CHRM3: variants seen among roughly 807,000 people sequenced by gnomAD.
CHRM3 encodes muscarinic acetylcholine receptor M3.
CHRM3 carries 11 observed loss-of-function variants against 41.8 expected under a neutral mutation model. That is an observed-to-expected ratio of 0.26 (90% CI 0.17 to 0.44). The LOEUF (loss-of-function observed/expected upper bound fraction) is 0.44. Ranked by LOEUF, CHRM3 falls within the 20% of genes least tolerant of loss-of-function variation. CHRM3 has a pLI of 1.00. For missense variants in CHRM3, 571 were observed against 745.4 expected (o/e 0.77, Z 2.72); for synonymous variants, 297 against 301.4 (o/e 0.99, Z 0.15).
intron 2 of CHRM3, among the ~76,000 whole-genome samples, chr1:239,514,174 T>C (rs1669106584): frequency 6.6e-6 from 1 of 152,124 alleles, no homozygotes; most frequent in Admixed American, 6.5e-5. Context: ...ATAAAATATC[T>C]TGCTGGGATT....
At chr1:239,842,778 A>T (rs1460650535) in intron 6 of CHRM3, among the ~76,000 whole-genome samples, 9 of 152,248 alleles carry the variant, frequency 5.9e-5, no homozygotes, top group Admixed American at 3.9e-4. Context: ...AACACAAAGG[A>T]TAAAAGCAGA....
At chr1:239,468,786 C>T (rs750046795) in intron 1 of CHRM3, among the ~76,000 whole-genome samples, 6 of 152,166 alleles carry the variant, frequency 3.9e-5, no homozygotes, top group Non-Finnish European at 4.4e-5. Context: ...AAGCATTCAG[C>T]GTGACCCTGA....
At chr1:239,684,731 G>GAGAGAAA (rs1417230306) in intron 5 of CHRM3, among the ~76,000 whole-genome samples, 1 of 55,208 alleles carries the variant, frequency 1.8e-5, no homozygotes, top group African/African-American at 6.6e-5. Flanking sequence ...GGAAAGGAAA[G>GAGAGAAA]GAAAGAGAGA....
intron 4 of CHRM3, among the ~76,000 whole-genome samples, chr1:239,636,645 T>C (rs1440428632): frequency 6.6e-6 from 1 of 152,204 alleles, no homozygotes; most frequent in Non-Finnish European, 1.5e-5. Context: ...CTTTGGAAGA[T>C]GATAATTATA....
intron 5 of CHRM3, among the ~76,000 whole-genome samples, chr1:239,787,584 G>A (rs955652933): frequency 8.5e-5 from 13 of 152,100 alleles, no homozygotes; most frequent in Non-Finnish European, 1.0e-4. Flanking sequence ...AGGTCCTTGC[G>A]ACATTAGGAT....
chr1:239,690,817 T>TGA (rs1325472577), intron 5 of CHRM3, among the ~76,000 whole-genome samples: 1 of 150,854 alleles, frequency 6.6e-6, no homozygotes, highest in Non-Finnish European at 1.5e-5. Flanking sequence ...CTGAAAAATT[T>TGA]TATATATATA....
chr1:239,423,563 C>T (rs777044433), intron 1 of CHRM3, among the ~76,000 whole-genome samples: 2 of 152,014 alleles, frequency 1.3e-5, no homozygotes, highest in Non-Finnish European at 2.9e-5. Context: ...AAATAACAAC[C>T]ATGCATTATA....
At chr1:239,436,488 C>T (rs951263641) in intron 1 of CHRM3, among the ~76,000 whole-genome samples, 2 of 151,918 alleles carry the variant, frequency 1.3e-5, no homozygotes, top group Non-Finnish European at 1.5e-5. Flanking sequence ...GTGGGCAGCA[C>T]GGTGCTGTGT....
chr1:239,404,344 GAGAAAGAGAA>G (rs1182228185), intron 1 of CHRM3, among the ~76,000 whole-genome samples: 3 of 116,212 alleles, frequency 2.6e-5, no homozygotes, highest in African/African-American at 6.6e-5. Flanking sequence ...AAGAAAGAAA[GAGAAAGAGAA>G]AGAAAGAAAG....
intron 4 of CHRM3, among the ~76,000 whole-genome samples, chr1:239,641,059 A>G (rs1028821240): frequency 6.6e-6 from 1 of 152,080 alleles, no homozygotes; most frequent in Non-Finnish European, 1.5e-5. Context: ...GTTCAGTTTA[A>G]TGTAGGTGAG....
At chr1:239,527,703 CACTT>C in intron 2 of CHRM3, among the ~76,000 whole-genome samples, 3 of 152,344 alleles carry the variant, frequency 2.0e-5, no homozygotes, top group Admixed American at 2.0e-4. Flanking sequence ...CAGTGTTCAT[CACTT>C]ACCAGCTAAT....
chr1:239,650,217 G>A (rs1392186971), intron 4 of CHRM3, among the ~76,000 whole-genome samples: 1 of 152,194 alleles, frequency 6.6e-6, no homozygotes, highest in Admixed American at 6.5e-5. Flanking sequence ...ACATGGAGAT[G>A]ATTAAATGAT....
chr1:239,876,366 G>A (rs1677109804), intron 6 of CHRM3, among the ~76,000 whole-genome samples: 1 of 152,196 alleles, frequency 6.6e-6, no homozygotes, highest in Non-Finnish European at 1.5e-5. Flanking sequence ...TGGAGGTAGT[G>A]TAAGCAAAAG....
At chr1:239,424,632 A>C (rs1409527622) in intron 1 of CHRM3, among the ~76,000 whole-genome samples, 1 of 152,242 alleles carries the variant, frequency 6.6e-6, no homozygotes, top group Non-Finnish European at 1.5e-5. Flanking sequence ...AGAGAGGGCT[A>C]TGGTGCTCTG....
intron 2 of CHRM3, among the ~76,000 whole-genome samples, chr1:239,512,814 G>GA (rs111916947): frequency 0.16 from 23,767 of 146,922 alleles, 2,327 homozygotes; most frequent in Non-Finnish European, 0.21. Flanking sequence ...CCTCTTTCTT[G>GA]AAAAAAAAAA....
At chr1:239,698,991 G>C (rs953284678) in intron 5 of CHRM3, among the ~76,000 whole-genome samples, 1 of 152,092 alleles carries the variant, frequency 6.6e-6, no homozygotes, top group African/African-American at 2.4e-5. Context: ...AACCTGGAAA[G>C]TAAAGAGTTT....
intron 5 of CHRM3, among the ~76,000 whole-genome samples, chr1:239,790,557 C>T (rs1027556274): frequency 4.6e-5 from 7 of 152,182 alleles, no homozygotes; most frequent in African/African-American, 1.7e-4. Context: ...CCTCCCCAGC[C>T]ATGTAGAACT....
At chr1:239,770,689 G>A (rs905488591) in intron 5 of CHRM3, among the ~76,000 whole-genome samples, 2 of 152,092 alleles carry the variant, frequency 1.3e-5, no homozygotes, top group Admixed American at 6.6e-5. Flanking sequence ...GCTGCAGAGG[G>A]AACTATTAGA....
chr1:239,695,108 T>C (rs1660064345), intron 5 of CHRM3, among the ~76,000 whole-genome samples: 1 of 152,218 alleles, frequency 6.6e-6, no homozygotes. Context: ...CCTCCCGGGT[T>C]CAAGAGATTC....
Sources: gnomAD v4.1 joint callset for allele counts (sites outside exome capture counted in the v4.1 genomes callset) on GRCh38, gnomAD v4.1.1 for gene constraint, MANE v1.5 for transcripts, NCBI Gene and HGNC (gene_info 2026-07-23, HGNC 2026-07-21) for gene names.